MON2: variants seen among roughly 807,000 people sequenced by gnomAD.
MON2 encodes the protein MON2 regulator of endosome-to-Golgi trafficking, also known as protein MON2 homolog.
In MON2, 84 loss-of-function variants were observed where a neutral mutation model predicts 208.6. The observed-to-expected ratio is 0.40, with a 90% confidence interval of 0.34 to 0.48. MON2 has a LOEUF of 0.48. Among genes scored for constraint, MON2 ranks in the 20% least tolerant of loss-of-function variants. The pLI, the probability that MON2 is intolerant of heterozygous loss-of-function variation, is 0.59. For synonymous variants in MON2, 660 were observed against 694.0 expected (o/e 0.95, Z 0.77); for missense variants, 1,611 against 2,015.4 (o/e 0.80, Z 3.84).
intron 30 of MON2, among the ~76,000 whole-genome samples, chr12:62,575,674 G>GAATCAATACA (rs1403853541): frequency 6.6e-6 from 1 of 152,066 alleles, no homozygotes; most frequent in Non-Finnish European, 1.5e-5. Flanking sequence ...CTTTGGCAAG[G>GAATCAATACA]GAATACAATA....
chr12:62,538,138 G>A lies in MON2; in HGVS notation c.2161G>A (p.Ala721Thr). 6.2e-7 allele frequency: 1 copy of A among 1,613,758 alleles called. No homozygotes were observed. Among genetic ancestry groups the A allele is most frequent in the Non-Finnish European group, 8.5e-7 (1 of 1,179,850 alleles). ...GGGATTAAAGCCTAGTAGTGGCGGT[G>A]CCTTGAAACCTGGGAGAGCTGTAGA... ...ILGLKPSSGG[A>T]LKPGRAVEGP... The change falls in exon 17 of 35, where the codon GCC becomes ACC. Residue 721 changes from alanine to threonine, a missense_variant. Ala to Thr is a moderately conservative substitution (Grantham distance 58, BLOSUM62 0). Transcript: ENST00000393630.
At position 62,474,624 on chromosome 12, in the gene MON2, G is replaced by A. The variant is rs372823937; in HGVS notation, c.111+7306G>A. ...TATTTAGTAGAGACGGGGTTTCTCTGTGTTGGTCAGGCTGGTCTCAAACTC... is the reference window on the plus strand; with the variant it reads ...TATTTAGTAGAGACGGGGTTTCTCTATGTTGGTCAGGCTGGTCTCAAACTC... On this transcript the variant is annotated intron_variant, in intron 1 of 34. Coordinates refer to ENST00000393630, the MANE Select transcript of MON2 (RefSeq NM_015026.3). 9.7e-5 allele frequency among the ~76,000 whole-genome samples: 14 copies of A among 144,310 alleles called. No homozygotes were observed. In the East Asian group the frequency reaches 1.0e-3, roughly 11 times the overall value. The allele number at this position is 144,310 out of a possible 152,430, so 94.7% of individuals were successfully genotyped here. A position where few individuals can be genotyped will look rare whatever the true frequency, so the allele number is the denominator to read the frequency against.
intron 21 of MON2, among the ~76,000 whole-genome samples, chr12:62,545,230 TA>T (rs2073429358): frequency 6.6e-6 from 1 of 152,096 alleles, no homozygotes; most frequent in Non-Finnish European, 1.5e-5. Context: ...TAACCTAAGT[TA>T]AATTACCTGG....
chr12:62,560,872 T>C lies in MON2; in HGVS notation c.3791T>C (p.Leu1264Pro). The C allele has an allele frequency of 3.1e-6, 5 of 1,614,080 alleles. No individual in the cohort carries two copies. The highest frequency in any genetic ancestry group is 4.2e-6 in the Non-Finnish European group (5 of 1,179,960). The change falls in exon 26 of 35, where the codon CTA becomes CCA. Residue 1264 changes from leucine to proline, a missense_variant. By Grantham distance (98) the Leu-to-Pro change is moderately conservative (BLOSUM62 -3). Coordinates refer to ENST00000393630, the MANE Select transcript of MON2 (RefSeq NM_015026.3). ...STKPPITFDKLTFIPSQPFLT... is the reference protein window; with the variant it reads ...STKPPITFDKPTFIPSQPFLT... ...AAGCCTCCTATTACTTTTGATAAAC[T>C]AACTTTTATTCCTAGCCAGCCTTTT...
rs561985698 is a variant in MON2, at chr12:62,598,868, A to G, written c.*6119A>G. The G allele has an allele frequency of 6.6e-6, 1 of 152,310 alleles. No individual in the cohort carries two copies. Among genetic ancestry groups the G allele is most frequent in the Non-Finnish European group, 1.5e-5 (1 of 68,002 alleles). The allele number at this position is 152,310 out of a possible 1,614,324, so 9.4% of individuals were successfully genotyped here. ...CAGATTGTTTATTTGTTTTACAGCTAACATTAAGCATGATTCCAGGTTTTT... is the reference window on the plus strand; with the variant it reads ...CAGATTGTTTATTTGTTTTACAGCTGACATTAAGCATGATTCCAGGTTTTT... On this transcript the variant is annotated 3_prime_UTR_variant, in exon 35 of 35. Transcript: ENST00000393630.
chr12:62,512,033 C>CTT (rs2071433500), intron 8 of MON2, among the ~76,000 whole-genome samples: 3 of 152,178 alleles, frequency 2.0e-5, no homozygotes, highest in African/African-American at 7.2e-5. Flanking sequence ...GACTTACTAT[C>CTT]ATGAGAACAG....
At chr12:62,547,370 G>A (rs1375430715) in intron 22 of MON2, among the ~76,000 whole-genome samples, 1 of 152,094 alleles carries the variant, frequency 6.6e-6, no homozygotes, top group Non-Finnish European at 1.5e-5. Context: ...TTACTTATAA[G>A]ATACTTGAAA....
chr12:62,558,295 TA>T (rs1459790863), intron 25 of MON2, among the ~76,000 whole-genome samples: 3 of 152,060 alleles, frequency 2.0e-5, no homozygotes, highest in African/African-American at 7.2e-5. Context: ...AGATTTTTTT[TA>T]AATGAAGACA....
chr12:62,587,910 A>G (rs2075270247), intron 33 of MON2, 164 bp from the exon 34 acceptor site: 1 of 522,134 alleles, frequency 1.9e-6, no homozygotes, highest in African/African-American at 2.0e-5. Flanking sequence ...TATAAATAAA[A>G]TGATTTTTAC....
intron 1 of MON2, among the ~76,000 whole-genome samples, chr12:62,476,639 G>C: frequency 6.6e-6 from 1 of 152,104 alleles, no homozygotes; most frequent in Admixed American, 6.6e-5. Context: ...GTTTCACTAT[G>C]TTGGCCAGGC....
intron 1 of MON2, among the ~76,000 whole-genome samples, chr12:62,481,010 G>C (rs888704390): frequency 6.6e-6 from 1 of 152,164 alleles, no homozygotes; most frequent in Non-Finnish European, 1.5e-5. Flanking sequence ...TGGGGTGTGT[G>C]AATGTTACAA....
At chr12:62,525,924 C>CT (rs764001063) in intron 10 of MON2, 25 bp from the exon 11 acceptor site, 2 of 1,603,576 alleles carry the variant, frequency 1.2e-6, no homozygotes, top group Non-Finnish European at 1.7e-6. Context: ...AGTGTCTTTT[C>CT]TTTTTTTCCC....
intron 24 of MON2, among the ~76,000 whole-genome samples, chr12:62,553,874 C>G (rs1308395998): frequency 6.6e-6 from 1 of 151,906 alleles, no homozygotes; most frequent in African/African-American, 2.4e-5. Context: ...ATTAATAGAC[C>G]CCAAAATGTC....
chr12:62,513,180 A>G (rs1013484909), intron 8 of MON2, among the ~76,000 whole-genome samples: 2 of 152,168 alleles, frequency 1.3e-5, no homozygotes, highest in Admixed American at 6.5e-5. Flanking sequence ...TACTTATGCA[A>G]ATCTCTACAG....
intron 1 of MON2, among the ~76,000 whole-genome samples, chr12:62,468,746 T>C (rs540113140): frequency 2.6e-4 from 39 of 152,362 alleles, no homozygotes; most frequent in African/African-American, 8.9e-4. Flanking sequence ...AGAATTAGGC[T>C]GTTTTAGAGA....
rs2075476629 is a variant in MON2 at position 62,594,329 on chromosome 12, A to G, written c.*1580A>G. ...ATAATTGTATAATTATTTAATTTGCATTATCTGTAAAATGTAGTAAGGTCT... is the reference window on the plus strand; with the variant it reads ...ATAATTGTATAATTATTTAATTTGCGTTATCTGTAAAATGTAGTAAGGTCT... On this transcript the variant is annotated 3_prime_UTR_variant, in exon 35 of 35. Transcript: ENST00000393630. The G allele has an allele frequency of 6.6e-6, 1 of 152,184 alleles. No individual in the cohort carries two copies. Among genetic ancestry groups the G allele is most frequent in the African/African-American group, 2.4e-5 (1 of 41,456 alleles). 9.4% of individuals were successfully genotyped at this position (152,184 alleles called of 1,614,324 possible).
chr12:62,538,926 TC>T (rs2073108449), intron 19 of MON2, among the ~76,000 whole-genome samples: 2 of 152,248 alleles, frequency 1.3e-5, no homozygotes, highest in African/African-American at 2.4e-5. Flanking sequence ...ATCATTTCTT[TC>T]TAAAGGTAAT....
At chr12:62,538,708 TATGA>T (rs1420008335) in intron 19 of MON2, among the ~76,000 whole-genome samples, 1 of 152,172 alleles carries the variant, frequency 6.6e-6, no homozygotes, top group Non-Finnish European at 1.5e-5. Context: ...AAATATGTCA[TATGA>T]TTTTAAGTTG....
At position 62,571,558 on chromosome 12, in the gene MON2, T is replaced by C. The variant is rs1468839297; in HGVS notation, c.4490T>C (p.Phe1497Ser). ...ATGTGGCCAGAACTAGCCAATACTTTTGAAGATTTTCTCTTTACTAAAAGG... is the reference window on the plus strand; with the variant it reads ...ATGTGGCCAGAACTAGCCAATACTTCTGAAGATTTTCTCTTTACTAAAAGG... ...DSMWPELANTFEDFLFTKSIP... is the reference protein window; with the variant it reads ...DSMWPELANTSEDFLFTKSIP... The change falls in exon 30 of 35, where the codon TTT becomes TCT. Residue 1497 changes from phenylalanine (F) to serine (S), a missense_variant. Phe to Ser is a radical substitution (Grantham distance 155). Transcript: ENST00000393630. The C allele has an allele frequency of 2.5e-6, 4 of 1,609,298 alleles. No homozygotes were observed. Among genetic ancestry groups the C allele is most frequent in the Non-Finnish European group, 3.4e-6 (4 of 1,178,498 alleles).
Sources: allele counts gnomAD v4.1 joint callset (sites outside exome capture counted in the v4.1 genomes callset), GRCh38; gene constraint gnomAD v4.1.1; transcripts MANE v1.5; gene names NCBI Gene and HGNC (gene_info 2026-07-23, HGNC 2026-07-21).